The following TLN2 variants were observed in gnomAD, a reference collection of about 807,000 sequenced individuals.
TLN2 encodes talin-2.
TLN2 carries 118 observed loss-of-function variants against 294.7 expected under a neutral mutation model. The ratio of observed to expected loss-of-function variants is 0.40; its 90% CI spans 0.34 to 0.47. TLN2 has a LOEUF of 0.47. Among genes scored for constraint, TLN2 ranks in the 20% least tolerant of loss-of-function variants. TLN2 has a pLI of 0.84. For missense variants in TLN2, 3,083 were observed against 3,282.2 expected, an observed-to-expected ratio of 0.94 and a Z score of 1.48; for synonymous variants, 1,431 against 1,304.5, an observed-to-expected ratio of 1.10 and a Z score of -2.09.
chr15:62,814,759 C>T (rs1176836338), intron 52 of TLN2, among the ~76,000 whole-genome samples: 2 of 152,200 alleles, frequency 1.3e-5, no homozygotes, highest in East Asian at 3.8e-4. Context: ...TATTCGGTCA[C>T]CTAAATTGTG....
intron 28 of TLN2, among the ~76,000 whole-genome samples, chr15:62,736,564 C>T (rs1174675296): frequency 6.6e-6 from 1 of 152,116 alleles, no homozygotes; most frequent in African/African-American, 2.4e-5. Context: ...CAGGTAATTC[C>T]ATCTGTGTAC....
intron 1 of TLN2, among the ~76,000 whole-genome samples, chr15:62,415,754 A>G (rs1045757233): frequency 3.3e-5 from 5 of 152,168 alleles, no homozygotes; most frequent in African/African-American, 1.2e-4. Flanking sequence ...TCTGTTTGGA[A>G]TTTGTGGTCT....
At chr15:62,693,473 A>G (rs931190586) in intron 13 of TLN2, among the ~76,000 whole-genome samples, 4 of 152,216 alleles carry the variant, frequency 2.6e-5, no homozygotes, top group Non-Finnish European at 4.4e-5. Flanking sequence ...GCAGTGAACA[A>G]TAGCATGTCA....
intron 1 of TLN2, among the ~76,000 whole-genome samples, chr15:62,530,919 A>G (rs1403618640): frequency 1.3e-5 from 2 of 151,746 alleles, no homozygotes; most frequent in Admixed American, 6.6e-5. Context: ...TTTTTTCCCT[A>G]TTAGGTGGTG....
chr15:62,831,886 GT>G (rs1266193414), intron 54 of TLN2: 6 of 152,312 alleles, frequency 3.9e-5, no homozygotes, highest in African/African-American at 1.4e-4. Flanking sequence ...ACATGGGAGC[GT>G]TAGCAAGCTG....
chr15:62,595,727 G>C (rs918759951), intron 2 of TLN2, among the ~76,000 whole-genome samples: 1 of 152,156 alleles, frequency 6.6e-6, no homozygotes, highest in Non-Finnish European at 1.5e-5. Flanking sequence ...ATACTATTCA[G>C]CCTTCAAGGA....
At position 62,576,870 on chromosome 15, in the gene TLN2, G is replaced by A. The variant is rs577366481; in HGVS notation, c.-237-12817G>A. Among the ~76,000 whole-genome samples the A allele has an allele frequency of 3.9e-5, 6 of 152,248 alleles. No homozygotes were observed. The South Asian group carries it at 8.3e-4, about 21-fold the overall frequency. On this transcript the variant is annotated intron_variant, in intron 1 of 58. Transcript: ENST00000636159. Reference sequence around the variant, plus strand: ...GGAAGTAGAAAGTCCTTGCTGTCCCGTGAGAGCAGGGGCTCATGTAGGCGA... The same window carrying A: ...GGAAGTAGAAAGTCCTTGCTGTCCCATGAGAGCAGGGGCTCATGTAGGCGA...
intron 1 of TLN2, among the ~76,000 whole-genome samples, chr15:62,428,397 G>T (rs886693756): frequency 5.3e-5 from 8 of 152,132 alleles, no homozygotes; most frequent in African/African-American, 1.9e-4. Flanking sequence ...TCTTTACTTG[G>T]TTCCTGTGGT....
At chr15:62,525,498 C>G (rs985674392) in intron 1 of TLN2, among the ~76,000 whole-genome samples, 2 of 152,202 alleles carry the variant, frequency 1.3e-5, no homozygotes, top group African/African-American at 2.4e-5. Flanking sequence ...CATATTTTCT[C>G]TGGCCATTGG....
intron 1 of TLN2, among the ~76,000 whole-genome samples, chr15:62,417,371 T>A (rs886386798): frequency 6.6e-6 from 1 of 152,208 alleles, no homozygotes; most frequent in African/African-American, 2.4e-5. Flanking sequence ...GAGGAAGTGG[T>A]AAGGCTTTAC....
intron 1 of TLN2, among the ~76,000 whole-genome samples, chr15:62,401,649 C>T (rs1446500607): frequency 2.6e-5 from 4 of 152,296 alleles, no homozygotes; most frequent in East Asian, 1.9e-4. Context: ...GAGGACCACT[C>T]GTCTACAGTC....
Position 62,496,203 on chromosome 15 carries a change from G to C in TLN2, c.-237-93484G>C, listed in dbSNP as rs1054590129. Among the ~76,000 whole-genome samples the C allele has an allele frequency of 2.6e-5, 4 of 152,282 alleles. No homozygotes were observed. The East Asian group carries it at 7.7e-4, about 29-fold the overall frequency. On this transcript the variant is annotated intron_variant, in intron 1 of 58. Transcript: ENST00000636159. ...CTCTTTCTGACTCACTGTTCCCATG[G>C]ATCTCTGGAAGCTGCTGGTTCTTAC...
chr15:62,548,255 C>A (rs2042104253), intron 1 of TLN2, among the ~76,000 whole-genome samples: 1 of 152,026 alleles, frequency 6.6e-6, no homozygotes, highest in Non-Finnish European at 1.5e-5. Flanking sequence ...GAATGACACA[C>A]AAATGAGGAG....
chr15:62,588,664 T>TCATATA lies in TLN2; in HGVS notation c.-237-1022_-237-1017dup, dbSNP rs1218704802. On this transcript the variant is annotated intron_variant, in intron 1 of 58. Coordinates refer to ENST00000636159, the MANE Select transcript of TLN2 (RefSeq NM_015059.3). ...AAATACATATATATATACATTTTTT[T>TCATATA]CATATATATATATATATATATATAT... Among the ~76,000 whole-genome samples the TCATATA allele has an allele frequency of 2.0e-3, 105 of 52,726 alleles. 2 individuals are homozygous for TCATATA. The highest frequency in any genetic ancestry group is 0.012 in the Middle Eastern group (1 of 84). The allele number at this position is 52,726 out of a possible 152,430, so 34.6% of individuals were successfully genotyped here. A position where few individuals can be genotyped will look rare whatever the true frequency, so the allele number is the denominator to read the frequency against.
At chr15:62,564,954 C>G (rs899361137) in intron 1 of TLN2, among the ~76,000 whole-genome samples, 2 of 148,800 alleles carry the variant, frequency 1.3e-5, no homozygotes, top group African/African-American at 5.0e-5. Flanking sequence ...TGCATTCCCC[C>G]CACTGACACA....
At chr15:62,422,495 C>T (rs2034471216) in intron 1 of TLN2, among the ~76,000 whole-genome samples, 1 of 152,182 alleles carries the variant, frequency 6.6e-6, no homozygotes, top group African/African-American at 2.4e-5. Context: ...TACTGTATTA[C>T]AGTAATTGTC....
chr15:62,457,037 C>T (rs2036521754), intron 1 of TLN2, among the ~76,000 whole-genome samples: 1 of 152,248 alleles, frequency 6.6e-6, no homozygotes, highest in African/African-American at 2.4e-5. Context: ...GTGGCCCTGT[C>T]TACCCTTGGT....
chr15:62,685,404 T>G (rs2057199282), intron 11 of TLN2, among the ~76,000 whole-genome samples: 1 of 152,204 alleles, frequency 6.6e-6, no homozygotes, highest in Non-Finnish European at 1.5e-5. Context: ...GAAAATTGGG[T>G]GGTTTCTAGC....
chr15:62,685,218 T>C (rs973768372), intron 11 of TLN2, among the ~76,000 whole-genome samples: 11 of 152,180 alleles, frequency 7.2e-5, no homozygotes, highest in African/African-American at 2.7e-4. Flanking sequence ...TTTAATAATA[T>C]ATTATGAATA....
Sources: allele counts gnomAD v4.1 joint callset (sites outside exome capture counted in the v4.1 genomes callset), GRCh38; gene constraint gnomAD v4.1.1; transcripts MANE v1.5; gene names NCBI Gene and HGNC (gene_info 2026-07-23, HGNC 2026-07-21).